The following ITPRID1 variants were observed in gnomAD, a reference collection of about 807,000 sequenced individuals.
The protein encoded by ITPRID1 is protein ITPRID1.
Under a neutral mutation model 95.4 loss-of-function variants are expected in ITPRID1, and 96 were observed. The observed-to-expected ratio is 1.01, with a 90% CI of 0.85 to 1.19. The LOEUF is 1.19. Among genes scored for constraint, ITPRID1 ranks in the 50% most tolerant of loss-of-function variants. ITPRID1 has a pLI of 0.00. For synonymous variants in ITPRID1, 510 were observed against 453.6 expected (o/e 1.12, Z -1.58); for missense variants, 1,339 against 1,252.9 (o/e 1.07, Z -1.04).
chr7:31,651,165 CAT>C lies in ITPRID1; in HGVS notation c.2608_2609del (p.Met870GlufsTer15). On this transcript the variant is annotated frameshift_variant, in exon 13 of 15. Coordinates refer to ENST00000615280, the MANE Select transcript of ITPRID1 (RefSeq NM_001257967.3). LOFTEE classifies it high-confidence loss of function. ...CSCTVHEMEA[M>X]KTICQSFREY... ...AGTGCACAGTCCATGAGATGGAAGC[CAT>C]GAAGACGATATGCCAAAGTTTCCGG... 6.2e-7 allele frequency: 1 copy of C among 1,613,416 alleles called. No homozygotes were observed. The highest frequency in any genetic ancestry group is 8.5e-7 in the Non-Finnish European group (1 of 1,179,532).
At chr7:31,587,222 T>C (rs1474418603) in intron 10 of ITPRID1, among the ~76,000 whole-genome samples, 2 of 152,170 alleles carry the variant, frequency 1.3e-5, no homozygotes, top group African/African-American at 2.4e-5. Context: ...GATGATATGA[T>C]TGTATATCTA....
chr7:31,658,526 G>A, downstream of ITPRID1: 2 of 617,918 alleles, frequency 3.2e-6, no homozygotes, highest in Non-Finnish European at 4.8e-6. Context: ...GTGTTTTCAT[G>A]TGGAATGGTG....
chr7:31,524,934 C>CA (rs57928638), intron 1 of ITPRID1, among the ~76,000 whole-genome samples: 64,904 of 151,510 alleles, frequency 0.43, 15,211 homozygotes, highest in East Asian at 0.61. Flanking sequence ...AGATGAAATA[C>CA]AAAAGGTAAG....
downstream of ITPRID1, chr7:31,658,489 G>A (rs1791394179): frequency 7.4e-6 from 8 of 1,088,396 alleles, no homozygotes; most frequent in East Asian, 2.2e-4. Context: ...TCAAAGTGGT[G>A]CCCCTTTGAG....
At chr7:31,649,198 T>C (rs1243076472) in intron 12 of ITPRID1, among the ~76,000 whole-genome samples, 1 of 152,238 alleles carries the variant, frequency 6.6e-6, no homozygotes, top group African/African-American at 2.4e-5. Context: ...GTTTTCAATA[T>C]AAAAACATTA....
intron 10 of ITPRID1, among the ~76,000 whole-genome samples, chr7:31,632,889 CATTT>C (rs1206753822): frequency 6.6e-6 from 1 of 151,484 alleles, no homozygotes; most frequent in Non-Finnish European, 1.5e-5. Flanking sequence ...TTTATTCATT[CATTT>C]ATTTATTTAT....
intron 12 of ITPRID1, among the ~76,000 whole-genome samples, chr7:31,647,118 G>T (rs1386271117): frequency 6.6e-6 from 1 of 152,224 alleles, no homozygotes; most frequent in Non-Finnish European, 1.5e-5. Flanking sequence ...GGAAATAAGA[G>T]ATTGCATTCC....
chr7:31,569,730 T>A (rs1002730878), intron 5 of ITPRID1, 28 bp from the exon 6 acceptor site: 2 of 1,555,780 alleles, frequency 1.3e-6, no homozygotes, highest in African/African-American at 1.4e-5. Context: ...CGAAATAAAG[T>A]TCCCCTCTAC....
In ITPRID1 at chr7:31,643,286, C is replaced by G. The variant is rs962219467; in HGVS notation, c.1916C>G (p.Ser639Ter). ...CACAGCTTACTCGTACCAGAAAGCT[C>G]ATCACAGTGTATCCCCAAGCACAGT... is the stretch of plus-strand genomic sequence containing the variant. ...TNHSLLVPESSSQCIPKHSEI... is the reference protein window; with the variant it reads ...TNHSLLVPES The change falls in exon 12 of 15, where the codon TCA (serine) becomes TGA (stop). Residue 639 changes from serine (S) to a stop codon, truncating the protein, a stop_gained. Transcript: ENST00000615280. LOFTEE classifies it high-confidence loss of function. 5.0e-6 allele frequency: 8 copies of G among 1,613,832 alleles called. No homozygotes were observed. Among genetic ancestry groups the G allele is most frequent in the Non-Finnish European group, 6.8e-6 (8 of 1,179,874 alleles).
rs764134230 is a variant in ITPRID1 at position 31,572,125 on chromosome 7, C to T, written c.332C>T (p.Thr111Ile). The T allele has an allele frequency of 8.7e-6, 14 of 1,610,532 alleles. No homozygotes were observed. The South Asian group carries it at 1.5e-4, about 18-fold the overall frequency. ...AGATCTTTGCATCAGTTTTCAGAAA[C>T]TCCCATCCTATCCAGAGGGACCAGT... ...YMRSLHQFSE[T>I]PILSRGTSFN... Residue 111 changes from threonine to isoleucine, a missense_variant, in exon 7 of 15, where the codon ACT (threonine) becomes ATT (isoleucine). Transcript: ENST00000615280.
chr7:31,646,461 T>C (rs1236921540), intron 12 of ITPRID1, among the ~76,000 whole-genome samples: 1 of 152,026 alleles, frequency 6.6e-6, no homozygotes, highest in Non-Finnish European at 1.5e-5. Context: ...GAGGTGGCCC[T>C]GGGGGAAAAG....
chr7:31,522,301 G>T (rs900100169), intron 1 of ITPRID1, among the ~76,000 whole-genome samples: 6 of 152,086 alleles, frequency 3.9e-5, no homozygotes, highest in African/African-American at 1.4e-4. Flanking sequence ...TTATTACTTT[G>T]ACTTCTCTAT....
At chr7:31,521,751 C>T (rs571224655) in intron 1 of ITPRID1, among the ~76,000 whole-genome samples, 5 of 143,836 alleles carry the variant, frequency 3.5e-5, no homozygotes, top group South Asian at 2.5e-4. Flanking sequence ...CACAGGGCCT[C>T]GTTCTCTCAC....
At chr7:31,625,249 T>C (rs1232417220) in intron 10 of ITPRID1, among the ~76,000 whole-genome samples, 1 of 147,546 alleles carries the variant, frequency 6.8e-6, no homozygotes, top group Admixed American at 6.8e-5. Context: ...CAAATACCAT[T>C]TGACCCAGCC....
intron 1 of ITPRID1, among the ~76,000 whole-genome samples, chr7:31,533,137 A>G (rs1182303073): frequency 1.3e-5 from 2 of 152,138 alleles, no homozygotes; most frequent in African/African-American, 4.8e-5. Flanking sequence ...ATCTGTACCC[A>G]GGGTTTCCCC....
Position 31,569,740 on chromosome 7 carries a change from C to CT in ITPRID1, c.257-11dup. ...TAAAACGAAATAAAGTTCCCCTCTA[C>CT]TTTTTTTGTTGTTGCAGTTTCTTTG... On this transcript the variant is annotated splice_polypyrimidine_tract_variant and intron_variant, in intron 5 of 14. Transcript: ENST00000615280. 2 of 1,565,636 alleles carry CT rather than the reference C, an allele frequency of 1.3e-6. No individual in the cohort carries two copies. Among genetic ancestry groups the CT allele is most frequent in the Non-Finnish European group, 8.7e-7 (1 of 1,153,576 alleles).
At chr7:31,606,721 G>C (rs933585626) in intron 10 of ITPRID1, among the ~76,000 whole-genome samples, 5 of 151,746 alleles carry the variant, frequency 3.3e-5, no homozygotes, top group African/African-American at 1.2e-4. Context: ...AAATTGAAGG[G>C]GAAACCGAAA....
chr7:31,599,788 C>T (rs1021610966), intron 10 of ITPRID1, among the ~76,000 whole-genome samples: 2 of 151,344 alleles, frequency 1.3e-5, no homozygotes, highest in Admixed American at 6.6e-5. Context: ...TGAACCCTCC[C>T]GGATTCAGGC....
chr7:31,625,772 TA>T (rs957657871), intron 10 of ITPRID1, among the ~76,000 whole-genome samples: 75 of 147,878 alleles, frequency 5.1e-4, no homozygotes, highest in Middle Eastern at 3.5e-3. Flanking sequence ...AAAGTATAAT[TA>T]AAAAAAAAAC....
Sources: allele counts gnomAD v4.1 joint callset (sites outside exome capture counted in the v4.1 genomes callset), GRCh38; gene constraint gnomAD v4.1.1; transcripts MANE v1.5; gene names NCBI Gene and HGNC (gene_info 2026-07-23, HGNC 2026-07-21).